COL24A1: variants seen among roughly 807,000 people sequenced by gnomAD.
COL24A1 encodes collagen type XXIV alpha 1 chain, also known as collagen alpha-1(XXIV) chain.
COL24A1 carries 224 observed loss-of-function variants against 253.9 expected under a neutral mutation model. The observed-to-expected ratio is 0.88, with a 90% CI of 0.79 to 0.99. The LOEUF is 0.99. Ranked by LOEUF, COL24A1 falls within the 50% of genes least tolerant of loss-of-function variation. The pLI is 0.00. For missense variants in COL24A1, 2,131 were observed against 2,068.5 expected, an observed-to-expected ratio of 1.03 and a Z score of -0.59; for synonymous variants, 685 against 673.7, an observed-to-expected ratio of 1.02 and a Z score of -0.26.
Position 86,000,532 on chromosome 1 carries a change from G to A in COL24A1, c.2311-12878C>T, listed in dbSNP as rs1695295111. Among the ~76,000 whole-genome samples the A allele has an allele frequency of 2.0e-5, 3 of 152,152 alleles. No homozygotes were observed. The South Asian group carries it at 6.2e-4, about 32-fold the overall frequency. On this transcript the variant is annotated intron_variant, in intron 19 of 59. Transcript: ENST00000370571. ...ATAAAAGATATCAAAGAAGTAAATT[G>A]TTTAGGCAAAGGGATTCCATTACAT...
At chr1:85,768,154 G>C (rs567908731) in intron 53 of COL24A1, among the ~76,000 whole-genome samples, 1 of 152,042 alleles carries the variant, frequency 6.6e-6, no homozygotes, top group Non-Finnish European at 1.5e-5. Flanking sequence ...GAATTTCCTA[G>C]GTTAAAAAAA....
At chr1:85,735,792 A>G (rs1663983097) in intron 58 of COL24A1, among the ~76,000 whole-genome samples, 1 of 152,144 alleles carries the variant, frequency 6.6e-6, no homozygotes, top group Non-Finnish European at 1.5e-5. Context: ...GGATATGGTC[A>G]TAATGTAAGT....
At chr1:86,006,734 G>T (rs1186833030) in intron 19 of COL24A1, among the ~76,000 whole-genome samples, 1 of 151,774 alleles carries the variant, frequency 6.6e-6, no homozygotes, top group Admixed American at 6.6e-5. Flanking sequence ...TTTGCAAAAG[G>T]CACATCTGAT....
Position 86,125,058 on chromosome 1 carries a change from T to A in COL24A1, c.1278A>T (p.Pro426=), listed in dbSNP as rs570728829. The change falls in exon 3 of 60, where the codon CCA becomes CCT. Residue 426 remains proline, a synonymous_variant. Coordinates refer to ENST00000370571, the MANE Select transcript of COL24A1 (RefSeq NM_152890.7). The part of the protein sequence containing the change: ...LHTNELMEMQ[P]ILNTSLHRVT... ...CTCTATGCAAGCTTGTGTTTAAAAT[T>A]GGTTGCATTTCCATGAGTTCGTTAG... 1 of 1,613,010 alleles carries A rather than the reference T, an allele frequency of 6.2e-7. No individual in the cohort carries two copies. Among genetic ancestry groups the A allele is most frequent in the Admixed American group, 1.7e-5 (1 of 59,842 alleles).
chr1:85,811,155 T>C (rs1029630478), intron 47 of COL24A1, among the ~76,000 whole-genome samples: 1 of 152,228 alleles, frequency 6.6e-6, no homozygotes, highest in Non-Finnish European at 1.5e-5. Flanking sequence ...TGAAAAACAT[T>C]CCATTGTCAA....
intron 7 of COL24A1, among the ~76,000 whole-genome samples, chr1:86,083,229 C>T (rs1012711553): frequency 2.6e-5 from 4 of 151,712 alleles, no homozygotes; most frequent in African/African-American, 7.3e-5. Context: ...ACTCAGAAGG[C>T]GGAGCTTGCA....
intron 45 of COL24A1, among the ~76,000 whole-genome samples, chr1:85,818,995 AAGAAAT>A (rs1398785557): frequency 6.6e-6 from 1 of 152,234 alleles, no homozygotes; most frequent in Non-Finnish European, 1.5e-5. Flanking sequence ...ACATTTTATG[AAGAAAT>A]AGTATATGTT....
At chr1:85,947,890 T>A (rs973061204) in intron 24 of COL24A1, among the ~76,000 whole-genome samples, 4 of 152,254 alleles carry the variant, frequency 2.6e-5, no homozygotes, top group Admixed American at 1.3e-4. Flanking sequence ...TTGGCAGCCA[T>A]GCATGTATGC....
chr1:85,970,302 T>A (rs1241063233), intron 21 of COL24A1, 31 bp from the exon 22 acceptor site: 1 of 1,540,004 alleles, frequency 6.5e-7, no homozygotes. Context: ...GAACATATTA[T>A]GGCCTAAAAT....
intron 47 of COL24A1, among the ~76,000 whole-genome samples, chr1:85,786,868 C>T (rs1369669864): frequency 6.6e-6 from 1 of 152,070 alleles, no homozygotes; most frequent in Non-Finnish European, 1.5e-5. Context: ...TACATGATTC[C>T]AGAAAATTTG....
intron 55 of COL24A1, among the ~76,000 whole-genome samples, chr1:85,747,620 T>C (rs1344634630): frequency 1.3e-5 from 2 of 152,174 alleles, no homozygotes; most frequent in Non-Finnish European, 2.9e-5. Flanking sequence ...GATTAATAGA[T>C]TACAGCTAAA....
chr1:85,782,512 T>TACA (rs1217205987), intron 51 of COL24A1, among the ~76,000 whole-genome samples: 2 of 15,218 alleles, frequency 1.3e-4, no homozygotes, highest in Admixed American at 4.9e-4. Context: ...TGGAATACTA[T>TACA]GCAATAAAAG....
At chr1:85,962,814 C>A (rs1410857610) in intron 23 of COL24A1, among the ~76,000 whole-genome samples, 1 of 151,980 alleles carries the variant, frequency 6.6e-6, no homozygotes, top group Non-Finnish European at 1.5e-5. Context: ...TAATTATATT[C>A]CAGTGTAGAA....
intron 24 of COL24A1, among the ~76,000 whole-genome samples, chr1:85,937,972 G>A (rs1465333287): frequency 6.8e-6 from 1 of 147,280 alleles, no homozygotes; most frequent in African/African-American, 2.5e-5. Flanking sequence ...TGCAAACAGT[G>A]CAGAAGTGGG....
intron 24 of COL24A1, among the ~76,000 whole-genome samples, chr1:85,925,981 AAAAC>A (rs1363465196): frequency 1.3e-5 from 2 of 152,342 alleles, no homozygotes; most frequent in African/African-American, 4.8e-5. Context: ...TTACAAGAAA[AAAAC>A]AAACAACCCC....
intron 26 of COL24A1, 105 bp downstream of exon 26, chr1:85,909,844 AC>A (rs1685193144): frequency 1.1e-6 from 1 of 907,274 alleles, no homozygotes; most frequent in Non-Finnish European, 1.8e-6. Flanking sequence ...GGGAAATTTA[AC>A]ATTTTTTACT....
At chr1:85,885,023 G>A (rs1019592460) in intron 32 of COL24A1, among the ~76,000 whole-genome samples, 1 of 152,048 alleles carries the variant, frequency 6.6e-6, no homozygotes, top group South Asian at 2.1e-4. Flanking sequence ...CCCGGTGTGG[G>A]CTATGTAGTT....
chr1:86,141,140 C>T (rs1436110293), intron 2 of COL24A1, among the ~76,000 whole-genome samples: 1 of 152,120 alleles, frequency 6.6e-6, no homozygotes, highest in Non-Finnish European at 1.5e-5. Context: ...ATGAAAAGCA[C>T]ACGAAGAAAT....
In COL24A1 at chr1:85,812,719, T is replaced by C. The variant is rs556214857; in HGVS notation, c.3951+4069A>G. Among the ~76,000 whole-genome samples the C allele has an allele frequency of 3.9e-5, 6 of 152,280 alleles. No individual in the cohort carries two copies. In the South Asian group the frequency reaches 1.2e-3, roughly 32 times the overall value. On this transcript the variant is annotated intron_variant, in intron 47 of 59. Coordinates refer to ENST00000370571, the MANE Select transcript of COL24A1 (RefSeq NM_152890.7). ...TTAACAGACAGCATCCTCTATAGAG[T>C]AGGTTCTCAATAATCAGGTAAACAA...
Sources: gnomAD v4.1 joint callset for allele counts (sites outside exome capture counted in the v4.1 genomes callset) on GRCh38, gnomAD v4.1.1 for gene constraint, MANE v1.5 for transcripts, NCBI Gene and HGNC (gene_info 2026-07-23, HGNC 2026-07-21) for gene names.